Variants in FAT3 observed in about 807,000 individuals in gnomAD.
FAT3 encodes protocadherin Fat 3.
A neutral mutation model predicts 310.2 loss-of-function variants in FAT3; 95 were observed. That is an observed-to-expected ratio of 0.31 (90% CI 0.26 to 0.36). The LOEUF (loss-of-function observed/expected upper bound fraction) is 0.36. Among genes scored for constraint, FAT3 ranks in the 10% least tolerant of loss-of-function variants. FAT3 has a pLI of 1.00. For missense variants in FAT3, 5,408 were observed against 5,715.6 expected, an observed-to-expected ratio of 0.95 and a Z score of 1.74; for synonymous variants, 2,314 against 2,192.9, an observed-to-expected ratio of 1.06 and a Z score of -1.54.
At chr11:92,727,133 T>G (rs1031002297) in intron 4 of FAT3, among the ~76,000 whole-genome samples, 4 of 152,220 alleles carry the variant, frequency 2.6e-5, no homozygotes, top group Non-Finnish European at 5.9e-5. Context: ...TTGGTAAATT[T>G]AGCACATTGA....
chr11:92,695,263 G>A (rs1212418396), intron 3 of FAT3, among the ~76,000 whole-genome samples: 3 of 152,172 alleles, frequency 2.0e-5, no homozygotes, highest in Admixed American at 6.5e-5. Flanking sequence ...TCAGAGGACC[G>A]TCACAGGCCT....
chr11:92,698,527 ATC>A, intron 4 of FAT3, among the ~76,000 whole-genome samples: 1 of 152,308 alleles, frequency 6.6e-6, no homozygotes, highest in Admixed American at 6.5e-5. Flanking sequence ...CACTCTTAGG[ATC>A]AAACCTTCTG....
chr11:92,858,333 G>T, intron 20 of FAT3, among the ~76,000 whole-genome samples: 1 of 152,196 alleles, frequency 6.6e-6, no homozygotes, highest in Non-Finnish European at 1.5e-5. Flanking sequence ...TATGCACTGT[G>T]CACATAGCAG....
At chr11:92,277,997 A>G (rs914724098) in intron 1 of FAT3, among the ~76,000 whole-genome samples, 5 of 152,028 alleles carry the variant, frequency 3.3e-5, no homozygotes, top group Non-Finnish European at 7.4e-5. Context: ...CTGATGGGAG[A>G]ATCAGCTGAG....
chr11:92,620,025 G>T lies in FAT3; in HGVS notation c.3608-77359G>T, dbSNP rs116596463. On this transcript the variant is annotated intron_variant, in intron 3 of 27. Coordinates refer to ENST00000525166, the MANE Select transcript of FAT3 (RefSeq NM_001367949.2). ...ATTGCTTTACTGCATCTCATAAGTTGTGGGGTACATCTATGTTATGCTTTT... is the reference window on the plus strand; with the variant it reads ...ATTGCTTTACTGCATCTCATAAGTTTTGGGGTACATCTATGTTATGCTTTT... Among the ~76,000 whole-genome samples the T allele has an allele frequency of 3.9e-3, 588 of 152,162 alleles. 3 individuals carry two copies. The highest frequency in any genetic ancestry group is 0.013 in the African/African-American group (558 of 41,510).
chr11:92,308,218 A>C (rs1947190344), intron 1 of FAT3, among the ~76,000 whole-genome samples: 1 of 152,158 alleles, frequency 6.6e-6, no homozygotes, highest in Non-Finnish European at 1.5e-5. Flanking sequence ...TCTTTCTTTC[A>C]CAGGTTGTTT....
intron 2 of FAT3, among the ~76,000 whole-genome samples, chr11:92,412,730 TATATATATATATATAA>T (rs1465377749): frequency 0.13 from 3,067 of 22,884 alleles, 633 homozygotes; most frequent in Middle Eastern, 0.23. Flanking sequence ...TATATATATA[TATATATATATATATAA>T]ATATACATAC....
At chr11:92,564,125 C>A (rs1427702184) in intron 3 of FAT3, among the ~76,000 whole-genome samples, 1 of 152,182 alleles carries the variant, frequency 6.6e-6, no homozygotes, top group Non-Finnish European at 1.5e-5. Flanking sequence ...CATCAGTGTG[C>A]TGTATTCAGT....
intron 3 of FAT3, among the ~76,000 whole-genome samples, chr11:92,551,895 C>T (rs1954833843): frequency 6.6e-6 from 1 of 152,148 alleles, no homozygotes; most frequent in South Asian, 2.1e-4. Flanking sequence ...TATGTTTCTC[C>T]AGGCAAATAA....
chr11:92,393,203 T>C (rs140592258), intron 2 of FAT3, among the ~76,000 whole-genome samples: 233 of 152,222 alleles, frequency 1.5e-3, no homozygotes, highest in African/African-American at 5.2e-3. Context: ...AGGCAGATCT[T>C]ACCTGGTTTT....
At chr11:92,239,352 C>G (rs11019882) in intron 1 of FAT3, among the ~76,000 whole-genome samples, 22,895 of 152,106 alleles carry the variant, frequency 0.15, 2,060 homozygotes, top group East Asian at 0.38. Context: ...CTTCAAACAT[C>G]TGCACGTGCA....
intron 2 of FAT3, among the ~76,000 whole-genome samples, chr11:92,472,147 C>T (rs935315641): frequency 6.6e-6 from 1 of 151,972 alleles, no homozygotes; most frequent in Non-Finnish European, 1.5e-5. Context: ...TCTGTTATAT[C>T]TGAGTTTTAA....
At chr11:92,754,922 C>T (rs1173529807) in intron 4 of FAT3, among the ~76,000 whole-genome samples, 2 of 151,798 alleles carry the variant, frequency 1.3e-5, no homozygotes, top group East Asian at 1.9e-4. Flanking sequence ...AACATGGAAA[C>T]GTGGATATAC....
chr11:92,426,145 CT>C (rs1292824791), intron 2 of FAT3, among the ~76,000 whole-genome samples: 6 of 152,134 alleles, frequency 3.9e-5, no homozygotes, highest in African/African-American at 1.2e-4. Flanking sequence ...TGATGATGAC[CT>C]TTTTTTCATA....
intron 1 of FAT3, among the ~76,000 whole-genome samples, chr11:92,316,430 A>G (rs539936219): frequency 6.6e-6 from 1 of 152,274 alleles, no homozygotes; most frequent in East Asian, 1.9e-4. Context: ...AAACTAATCT[A>G]CGAGTCTGTT....
chr11:92,599,018 C>A (rs927811603), intron 3 of FAT3, among the ~76,000 whole-genome samples: 11 of 152,154 alleles, frequency 7.2e-5, no homozygotes, highest in African/African-American at 2.2e-4. Flanking sequence ...ATAGAAGAAG[C>A]TTCTGAGAAT....
At chr11:92,301,489 G>A (rs1327028307) in intron 1 of FAT3, among the ~76,000 whole-genome samples, 1 of 152,050 alleles carries the variant, frequency 6.6e-6, no homozygotes, top group African/African-American at 2.4e-5. Flanking sequence ...CCTTATTTCT[G>A]GGCCCATAGC....
chr11:92,519,272 C>CAA, intron 2 of FAT3, among the ~76,000 whole-genome samples: 1 of 152,200 alleles, frequency 6.6e-6, no homozygotes, highest in Non-Finnish European at 1.5e-5. Context: ...GACACAGGTG[C>CAA]AAAGGCAGTT....
At chr11:92,849,577 T>G (rs1948768172) in intron 19 of FAT3, among the ~76,000 whole-genome samples, 1 of 152,202 alleles carries the variant, frequency 6.6e-6, no homozygotes, top group South Asian at 2.1e-4. Context: ...CCTTTGCTCC[T>G]TGACTGTAAA....
Sources: allele counts gnomAD v4.1 joint callset (sites outside exome capture counted in the v4.1 genomes callset), GRCh38; gene constraint gnomAD v4.1.1; transcripts MANE v1.5; gene names NCBI Gene and HGNC (gene_info 2026-07-23, HGNC 2026-07-21).